The following UGT1A8 variants were observed in gnomAD, a reference collection of about 807,000 sequenced individuals.
UGT1A8 encodes the protein UDP-glucuronosyltransferase 1A8.
Under a neutral mutation model 45.3 loss-of-function variants are expected in UGT1A8, and 39 were observed. The observed-to-expected ratio is 0.86, with a 90% CI of 0.67 to 1.12. The LOEUF (loss-of-function observed/expected upper bound fraction) is 1.12, where lower values mean the gene tolerates loss of function less well. Among genes scored for constraint, UGT1A8 ranks in the 50% most tolerant of loss-of-function variants. The probability of loss-of-function intolerance (pLI) is 0.00; values close to 1 mark genes in which losing one functional copy is unlikely to be tolerated. For synonymous variants in UGT1A8, 275 were observed against 249.2 expected, an observed-to-expected ratio of 1.10 and a Z score of -0.97; for missense variants, 719 against 664.9, an observed-to-expected ratio of 1.08 and a Z score of -0.90.
intron 1 of UGT1A8, among the ~76,000 whole-genome samples, chr2:233,697,029 G>T (rs561369376): frequency 6.6e-6 from 1 of 152,092 alleles, no homozygotes; most frequent in South Asian, 2.1e-4. Context: ...ATATGGGCCC[G>T]CAGTTTTCTT....
rs144186502 is a variant in UGT1A8, at chr2:233,628,186, G to A, written c.855+9624G>A. 3.6e-4 allele frequency among the ~76,000 whole-genome samples: 55 copies of A among 152,044 alleles called. No individual in the cohort carries two copies. The East Asian group carries it at 0.011, about 29-fold the overall frequency. ...TACACTTTGGAAATGTTTGTGTGTG[G>A]TTTAATAAATTTTTTATTGATTTGT... On this transcript the variant is annotated intron_variant, in intron 1 of 4. Coordinates refer to ENST00000373450, the MANE Select transcript of UGT1A8 (RefSeq NM_019076.5).
At chr2:233,745,905 G>A (rs1693243700) in intron 1 of UGT1A8, among the ~76,000 whole-genome samples, 1 of 151,554 alleles carries the variant, frequency 6.6e-6, no homozygotes, top group Non-Finnish European at 1.5e-5. Context: ...TTTTCAGGGA[G>A]CAGCTGAGGC....
chr2:233,657,939 T>G (rs1359745048), intron 1 of UGT1A8, among the ~76,000 whole-genome samples: 2 of 152,136 alleles, frequency 1.3e-5, no homozygotes, highest in African/African-American at 4.8e-5. Context: ...AACTTTTTAT[T>G]TTAGAAGAAA....
intron 1 of UGT1A8, among the ~76,000 whole-genome samples, chr2:233,699,874 G>A (rs1440765053): frequency 6.6e-6 from 1 of 152,096 alleles, no homozygotes; most frequent in African/African-American, 2.4e-5. Context: ...GACATTTTTG[G>A]TGTTGCAATT....
chr2:233,757,608 A>G (rs1273740652), intron 1 of UGT1A8, among the ~76,000 whole-genome samples: 6 of 144,098 alleles, frequency 4.2e-5, no homozygotes, highest in Non-Finnish European at 9.0e-5. Flanking sequence ...AGATATGCAA[A>G]CTGCTAAAAG....
intron 1 of UGT1A8, chr2:233,713,771 C>T (rs780343524): frequency 3.7e-6 from 6 of 1,614,000 alleles, no homozygotes; most frequent in Non-Finnish European, 5.1e-6. Flanking sequence ...TCCGAGGGGA[C>T]TTTGTGATGG....
At chr2:233,671,848 G>A (rs17868322) in intron 1 of UGT1A8, 44,793 of 1,497,566 alleles carry the variant, frequency 0.03, 775 homozygotes, top group Non-Finnish European at 0.034. Context: ...CCTCTATTGG[G>A]GTCAGGTTTT....
At chr2:233,619,415 G>C (rs1201739071) in intron 1 of UGT1A8, among the ~76,000 whole-genome samples, 21 of 151,940 alleles carry the variant, frequency 1.4e-4, no homozygotes, top group Admixed American at 1.4e-3. Flanking sequence ...TAATTTCCTT[G>C]TGTGAATATA....
In UGT1A8 at chr2:233,755,048, C is replaced by T; in HGVS notation, c.856-11986C>T. ...AGGGCCTGCCGCCTGCGCAGCCGCC[C>T]TCCGCCCTCGCCTCGCCATAGCGGT... On this transcript the variant is annotated intron_variant, in intron 1 of 4. Transcript: ENST00000373450. 4 of 1,330,776 alleles carry T rather than the reference C, an allele frequency of 3.0e-6. No homozygotes were observed. In the South Asian group the frequency reaches 3.4e-5, roughly 11 times the overall value. The allele number at this position is 1,330,776 out of a possible 1,614,324, so 82.4% of individuals were successfully genotyped here.
intron 1 of UGT1A8, among the ~76,000 whole-genome samples, chr2:233,695,963 C>CTAATTCAGTTCT (rs2075316258): frequency 6.6e-6 from 1 of 152,174 alleles, no homozygotes; most frequent in Non-Finnish European, 1.5e-5. Flanking sequence ...TGGGTGTCCT[C>CTAATTCAGTTCT]TAATTCAGTT....
chr2:233,727,709 GC>G (rs369344030), intron 1 of UGT1A8, among the ~76,000 whole-genome samples: 1 of 152,290 alleles, frequency 6.6e-6, no homozygotes, highest in African/African-American at 2.4e-5. Context: ...AGTTCCCAAA[GC>G]CCTTGCAGAC....
intron 1 of UGT1A8, among the ~76,000 whole-genome samples, chr2:233,621,619 A>T (rs1385216668): frequency 6.6e-6 from 1 of 152,194 alleles, no homozygotes; most frequent in Non-Finnish European, 1.5e-5. Flanking sequence ...TAGTGTCATG[A>T]CCACCCATAT....
At position 233,760,976 on chromosome 2, in the gene UGT1A8, A is replaced by G. The variant is rs754922685; in HGVS notation, c.856-6058A>G. 3 of 1,614,218 alleles carry G rather than the reference A, an allele frequency of 1.9e-6. No individual in the cohort carries two copies. The South Asian group carries it at 3.3e-5, about 18-fold the overall frequency. On this transcript the variant is annotated intron_variant, in intron 1 of 4. Transcript: ENST00000373450. The stretch of plus-strand genomic sequence containing the variant: ...CTGTGCGACGTGGTTTATTCCCCGT[A>G]TGCAACCCTTGCCTCAGAATTCCTT...
chr2:233,695,908 T>C (rs2075313628), intron 1 of UGT1A8, among the ~76,000 whole-genome samples: 1 of 152,182 alleles, frequency 6.6e-6, no homozygotes, highest in Admixed American at 6.5e-5. Flanking sequence ...TGGGGTTTTT[T>C]TTCTCCACAC....
chr2:233,702,967 T>A (rs28899180), intron 1 of UGT1A8, among the ~76,000 whole-genome samples: 1,929 of 152,294 alleles, frequency 0.013, 44 homozygotes, highest in African/African-American at 0.043. Flanking sequence ...ACTGGCCTTG[T>A]AGAAGAAACT....
intron 1 of UGT1A8, among the ~76,000 whole-genome samples, chr2:233,652,529 A>G (rs2073765388): frequency 6.6e-6 from 1 of 152,234 alleles, no homozygotes; most frequent in South Asian, 2.1e-4. Flanking sequence ...CCACAATATC[A>G]TTATCATTCC....
At chr2:233,733,135 T>C (rs2078360537) in intron 1 of UGT1A8, among the ~76,000 whole-genome samples, 1 of 152,236 alleles carries the variant, frequency 6.6e-6, no homozygotes, top group Admixed American at 6.5e-5. Flanking sequence ...ATAGGAATGC[T>C]TGTGATTTTT....
At chr2:233,649,174 T>C in intron 1 of UGT1A8, 1 of 436,496 alleles carries the variant, frequency 2.3e-6, no homozygotes, top group East Asian at 6.0e-5. Flanking sequence ...ATCCACGTGT[T>C]TGTTGGTTAG....
rs764832601 is a variant in UGT1A8 at position 233,682,041 on chromosome 2, G to A, written c.855+63479G>A. On this transcript the variant is annotated intron_variant, in intron 1 of 4. Transcript: ENST00000373450. ...AAGCTGCTGGTAGTGCCCATGGATG[G>A]GAGCCACTGGTTCACCATGCAGTCG... The A allele has an allele frequency of 3.1e-6, 5 of 1,614,116 alleles. No homozygotes were observed. The Admixed American group carries it at 8.3e-5, about 27-fold the overall frequency.
Sources: allele counts gnomAD v4.1 joint callset (sites outside exome capture counted in the v4.1 genomes callset), GRCh38; gene constraint gnomAD v4.1.1; transcripts MANE v1.5; gene names NCBI Gene and HGNC (gene_info 2026-07-23, HGNC 2026-07-21).